The following ACOXL variants were observed in gnomAD, a reference collection of about 807,000 sequenced individuals.
ACOXL encodes the protein acyl-CoA oxidase like.
In ACOXL, 70 loss-of-function variants were observed where a neutral mutation model predicts 71.9. That is an observed-to-expected ratio of 0.97 (90% CI 0.80 to 1.19). The LOEUF (loss-of-function observed/expected upper bound fraction) is 1.19, where lower values mean the gene tolerates loss of function less well. ACOXL is among the 50% of genes most tolerant of loss of function. The pLI is 0.00. For missense variants in ACOXL, 703 were observed against 736.3 expected, an observed-to-expected ratio of 0.95 and a Z score of 0.52; for synonymous variants, 253 against 281.6, an observed-to-expected ratio of 0.90 and a Z score of 1.02.
intron 11 of ACOXL, among the ~76,000 whole-genome samples, chr2:110,919,430 A>G (rs991234616): frequency 1.3e-5 from 2 of 152,056 alleles, no homozygotes; most frequent in East Asian, 1.9e-4. Context: ...AAGGGGAGGG[A>G]TAGCATTAGG....
chr2:110,979,820 G>A (rs1250653233), intron 12 of ACOXL, among the ~76,000 whole-genome samples: 2 of 152,194 alleles, frequency 1.3e-5, no homozygotes, highest in Non-Finnish European at 2.9e-5. Context: ...CTTTCCAAGG[G>A]GGCTGTAACC....
At chr2:110,879,059 A>AG (rs1696293446) in intron 10 of ACOXL, among the ~76,000 whole-genome samples, 1 of 151,952 alleles carries the variant, frequency 6.6e-6, no homozygotes, top group South Asian at 2.1e-4. Context: ...TCCGTTAAAA[A>AG]AAAAAAAAAA....
intron 17 of ACOXL, among the ~76,000 whole-genome samples, chr2:111,102,274 G>C (rs1279458530): frequency 1.3e-5 from 2 of 152,170 alleles, no homozygotes; most frequent in Non-Finnish European, 2.9e-5. Context: ...GGTTTCTTCA[G>C]TTTGGCCAGT....
chr2:110,889,245 T>G (rs1455957846), intron 10 of ACOXL, among the ~76,000 whole-genome samples: 2 of 152,222 alleles, frequency 1.3e-5, no homozygotes, highest in East Asian at 1.9e-4. Flanking sequence ...ATGCAGGCAG[T>G]GCCTCATCAG....
intron 9 of ACOXL, among the ~76,000 whole-genome samples, chr2:110,828,446 G>T (rs1415260513): frequency 1.3e-5 from 2 of 152,176 alleles, no homozygotes; most frequent in Admixed American, 6.5e-5. Context: ...TCTTTCAAAA[G>T]AGCTGTGCTG....
chr2:111,082,222 A>G (rs914164392), intron 16 of ACOXL, among the ~76,000 whole-genome samples: 8 of 152,138 alleles, frequency 5.3e-5, no homozygotes, highest in Non-Finnish European at 1.0e-4. Context: ...CTATCATCAG[A>G]GTGAACAGGC....
Position 110,798,739 on chromosome 2 carries a change from C to G in ACOXL, c.460+15C>G, listed in dbSNP as rs369283653. On this transcript the variant is annotated intron_variant, in intron 6 of 17. Transcript: ENST00000439055. The stretch of plus-strand genomic sequence containing the variant: ...AAGATCTCAAGGTTTGTTACCAATA[C>G]AGACAACTAGAATAATTCTCTTCAT... 1.2e-6 allele frequency: 2 copies of G among 1,600,398 alleles called. No individual in the cohort carries two copies. The highest frequency in any genetic ancestry group is 1.7e-6 in the Non-Finnish European group (2 of 1,167,560).
At chr2:110,826,737 T>C (rs1689200644) in intron 9 of ACOXL, among the ~76,000 whole-genome samples, 1 of 151,998 alleles carries the variant, frequency 6.6e-6, no homozygotes. Flanking sequence ...GTTGTTTTGC[T>C]ATTTTCTCTC....
intron 17 of ACOXL, among the ~76,000 whole-genome samples, chr2:111,111,948 C>A (rs2069997405): frequency 1.3e-5 from 2 of 151,998 alleles, no homozygotes; most frequent in African/African-American, 4.8e-5. Context: ...TAGTAAACAG[C>A]CAAATTGTGT....
intron 1 of ACOXL, among the ~76,000 whole-genome samples, chr2:110,751,232 C>T (rs188152338): frequency 7.1e-5 from 10 of 140,100 alleles, no homozygotes; most frequent in South Asian, 2.3e-4. Flanking sequence ...ACCTGGGAGG[C>T]GGAGCTTGCA....
intron 9 of ACOXL, among the ~76,000 whole-genome samples, chr2:110,827,528 G>A (rs781032905): frequency 4.6e-5 from 7 of 152,144 alleles, no homozygotes; most frequent in Non-Finnish European, 7.3e-5. Context: ...TTCATTATGT[G>A]GCCACTGAGC....
At chr2:111,096,778 G>A (rs1344471048) in intron 17 of ACOXL, among the ~76,000 whole-genome samples, 1 of 152,098 alleles carries the variant, frequency 6.6e-6, no homozygotes. Flanking sequence ...AGTCCTAATC[G>A]AAGGTAATTT....
intron 10 of ACOXL, among the ~76,000 whole-genome samples, chr2:110,855,485 A>G (rs1269936290): frequency 6.6e-6 from 1 of 152,204 alleles, no homozygotes. Context: ...ATTTGAGAAA[A>G]TGCACCAAAC....
chr2:110,760,345 C>T (rs975613338), intron 1 of ACOXL, among the ~76,000 whole-genome samples: 7 of 152,098 alleles, frequency 4.6e-5, no homozygotes, highest in South Asian at 2.1e-4. Context: ...GGGGTTTCAC[C>T]GTGTTAGACA....
chr2:110,884,946 T>C (rs1697102073), intron 10 of ACOXL, among the ~76,000 whole-genome samples: 1 of 152,158 alleles, frequency 6.6e-6, no homozygotes, highest in Non-Finnish European at 1.5e-5. Flanking sequence ...GCATTGGCAT[T>C]CTTTCTAGCT....
chr2:111,047,594 A>AG (rs1301832170), intron 15 of ACOXL, among the ~76,000 whole-genome samples: 1 of 152,236 alleles, frequency 6.6e-6, no homozygotes, highest in African/African-American at 2.4e-5. Flanking sequence ...TCTTGCCTCC[A>AG]GGGTCTTTCC....
At chr2:111,086,882 A>G (rs1236182509) in intron 16 of ACOXL, among the ~76,000 whole-genome samples, 1 of 152,200 alleles carries the variant, frequency 6.6e-6, no homozygotes, top group African/African-American at 2.4e-5. Context: ...TGCAGACAAC[A>G]TGATTCTATG....
chr2:110,904,244 T>C (rs922238974), intron 10 of ACOXL, among the ~76,000 whole-genome samples: 1 of 152,184 alleles, frequency 6.6e-6, no homozygotes, highest in Non-Finnish European at 1.5e-5. Context: ...CTATTGGGCA[T>C]AGGGGAGGCT....
At chr2:110,922,776 C>T (rs2060127060) in intron 11 of ACOXL, among the ~76,000 whole-genome samples, 1 of 152,146 alleles carries the variant, frequency 6.6e-6, no homozygotes, top group Non-Finnish European at 1.5e-5. Flanking sequence ...AGGAAAGAAA[C>T]AAGAGGTGAT....
Sources: gnomAD v4.1 joint callset for allele counts (sites outside exome capture counted in the v4.1 genomes callset) on GRCh38, gnomAD v4.1.1 for gene constraint, MANE v1.5 for transcripts, NCBI Gene and HGNC (gene_info 2026-07-23, HGNC 2026-07-21) for gene names.